LRMDA: variants seen among roughly 807,000 people sequenced by gnomAD.
LRMDA encodes the protein leucine rich melanocyte differentiation associated, also known as leucine-rich melanocyte differentiation-associated protein.
Under a neutral mutation model 29.8 loss-of-function variants are expected in LRMDA, and 18 were observed. The ratio of observed to expected loss-of-function variants is 0.60; its 90% CI spans 0.42 to 0.90. LRMDA has a LOEUF of 0.90. Ranked by LOEUF, LRMDA falls within the 40% of genes least tolerant of loss-of-function variation. The pLI is 0.00. For missense variants in LRMDA, 273 were observed against 273.9 expected (o/e 1.00, Z 0.02); for synonymous variants, 125 against 109.4 (o/e 1.14, Z -0.89).
At chr10:76,276,053 C>CTATCTATCTATCTATCTATCTA (rs150054728) in intron 5 of LRMDA, among the ~76,000 whole-genome samples, 1 of 139,936 alleles carries the variant, frequency 7.1e-6, no homozygotes, top group African/African-American at 2.8e-5. Context: ...ATCTATCTAT[C>CTATCTATCTATCTATCTATCTA]TCTTTCTTTC....
intron 2 of LRMDA, among the ~76,000 whole-genome samples, chr10:75,761,904 G>C (rs1843102294): frequency 6.6e-6 from 1 of 150,500 alleles, no homozygotes; most frequent in Non-Finnish European, 1.5e-5. Context: ...AGGCTCAAGT[G>C]ATCCCCCCAC....
chr10:75,823,381 G>T (rs1844194538), intron 2 of LRMDA, among the ~76,000 whole-genome samples: 1 of 152,036 alleles, frequency 6.6e-6, no homozygotes, highest in Admixed American at 6.6e-5. Flanking sequence ...AATCATCAGA[G>T]AAATGCAAAT....
rs186362866 is a variant in LRMDA, at chr10:75,682,828, A to G, written c.131+244334A>G. ...TCAGCGCAGCATCAATCCCCCTGAG[A>G]CTGGCCTGTTAAAAGTGGACACATG... On this transcript the variant is annotated intron_variant, in intron 2 of 6. Coordinates refer to ENST00000611255, the MANE Select transcript of LRMDA (RefSeq NM_001305581.2). Among the ~76,000 whole-genome samples, 23 of 152,294 alleles carry G rather than the reference A, an allele frequency of 1.5e-4. No individual in the cohort carries two copies. In the East Asian group the frequency reaches 4.4e-3, roughly 29 times the overall value.
At chr10:75,794,911 CAGA>C (rs1489899632) in intron 2 of LRMDA, among the ~76,000 whole-genome samples, 2 of 151,156 alleles carry the variant, frequency 1.3e-5, no homozygotes, top group African/African-American at 2.4e-5. Context: ...TTTTGATAAG[CAGA>C]AGGTTTTATT....
At chr10:75,943,277 G>A (rs1846425712) in intron 2 of LRMDA, among the ~76,000 whole-genome samples, 1 of 151,932 alleles carries the variant, frequency 6.6e-6, no homozygotes, top group Admixed American at 6.6e-5. Context: ...ATCCCACCAG[G>A]AATCTCCTAT....
rs575484076 is a variant in LRMDA, at chr10:76,352,715, CTATTAT to C, written c.601+28240_601+28245del. Among the ~76,000 whole-genome samples, 12 of 152,078 alleles carry C rather than the reference CTATTAT, an allele frequency of 7.9e-5. No homozygotes were observed. The East Asian group carries it at 2.3e-3, about 29-fold the overall frequency. ...ATACATATTGTTGCTGCTGCTGTTT[CTATTAT>C]TATTATTATCAATAGTGTTGTTATT... On this transcript the variant is annotated intron_variant, in intron 6 of 6. Transcript: ENST00000611255.
At chr10:76,344,106 G>A (rs1218697796) in intron 6 of LRMDA, among the ~76,000 whole-genome samples, 1 of 152,074 alleles carries the variant, frequency 6.6e-6, no homozygotes, top group South Asian at 2.1e-4. Context: ...ATAGATGTGA[G>A]CCACTGCACC....
intron 2 of LRMDA, among the ~76,000 whole-genome samples, chr10:75,638,798 T>A (rs1841417843): frequency 6.6e-6 from 1 of 152,246 alleles, no homozygotes; most frequent in Non-Finnish European, 1.5e-5. Flanking sequence ...GAGTAATCTG[T>A]GATTTAAATC....
chr10:75,788,787 A>G (rs1046053373), intron 2 of LRMDA, among the ~76,000 whole-genome samples: 5 of 152,262 alleles, frequency 3.3e-5, no homozygotes, highest in African/African-American at 9.6e-5. Context: ...CTAAAGAAGA[A>G]GGGAAAGTGA....
chr10:76,154,789 G>A (rs547050806), intron 5 of LRMDA, among the ~76,000 whole-genome samples: 59 of 152,258 alleles, frequency 3.9e-4, no homozygotes, highest in Admixed American at 2.0e-3. Flanking sequence ...TTAGCAAGGC[G>A]GGACTTGTGC....
At chr10:76,119,391 C>G (rs1012684590) in intron 5 of LRMDA, among the ~76,000 whole-genome samples, 1 of 151,728 alleles carries the variant, frequency 6.6e-6, no homozygotes, top group Admixed American at 6.6e-5. Context: ...GAAGAGGGAA[C>G]CTGGAAAATG....
intron 2 of LRMDA, among the ~76,000 whole-genome samples, chr10:75,547,501 A>G (rs1164107283): frequency 1.3e-5 from 2 of 152,166 alleles, no homozygotes; most frequent in Non-Finnish European, 2.9e-5. Flanking sequence ...TGGTGCCCAC[A>G]CAATGGCCAA....
chr10:75,919,718 G>T (rs1005995035), intron 2 of LRMDA, among the ~76,000 whole-genome samples: 1 of 152,138 alleles, frequency 6.6e-6, no homozygotes, highest in Non-Finnish European at 1.5e-5. Flanking sequence ...CTAAGGTTAA[G>T]AGAATTGAAA....
At chr10:76,186,014 T>G (rs1262535073) in intron 5 of LRMDA, among the ~76,000 whole-genome samples, 4 of 152,138 alleles carry the variant, frequency 2.6e-5, no homozygotes, top group Non-Finnish European at 5.9e-5. Flanking sequence ...TAAAAATAAC[T>G]CCAGATAATG....
Position 76,288,832 on chromosome 10 carries a change from C to T in LRMDA, c.517-35569C>T, listed in dbSNP as rs180818790. Among the ~76,000 whole-genome samples, 65 of 152,200 alleles carry T rather than the reference C, an allele frequency of 4.3e-4. 1 individual carries two copies. The East Asian group carries it at 0.011, about 26-fold the overall frequency. On this transcript the variant is annotated intron_variant, in intron 5 of 6. Coordinates refer to ENST00000611255, the MANE Select transcript of LRMDA (RefSeq NM_001305581.2). ...GGAAAATTGCTTGGGATGTACAAAG[C>T]CAGAGCCAATCAGTCAATCAGAAAA...
chr10:76,166,263 A>G (rs1850738370), intron 5 of LRMDA, among the ~76,000 whole-genome samples: 1 of 152,176 alleles, frequency 6.6e-6, no homozygotes, highest in Non-Finnish European at 1.5e-5. Flanking sequence ...CATTTTCCCA[A>G]ACCTGCTTGG....
intron 2 of LRMDA, among the ~76,000 whole-genome samples, chr10:75,547,525 A>C (rs1320079775): frequency 6.6e-6 from 1 of 152,212 alleles, no homozygotes; most frequent in Non-Finnish European, 1.5e-5. Context: ...CACTGTGGCC[A>C]CAATAAGTGC....
At chr10:75,949,507 T>C (rs1846536302) in intron 2 of LRMDA, among the ~76,000 whole-genome samples, 1 of 152,154 alleles carries the variant, frequency 6.6e-6, no homozygotes, top group South Asian at 2.1e-4. Flanking sequence ...CACGTGGTTT[T>C]CCTAGGCACA....
chr10:75,484,766 C>T (rs1490655697), intron 2 of LRMDA, among the ~76,000 whole-genome samples: 2 of 152,154 alleles, frequency 1.3e-5, no homozygotes, highest in African/African-American at 2.4e-5. Flanking sequence ...GTGTGAGACA[C>T]AGCAAGAAGG....
Sources: gnomAD v4.1 joint callset for allele counts (sites outside exome capture counted in the v4.1 genomes callset) on GRCh38, gnomAD v4.1.1 for gene constraint, MANE v1.5 for transcripts, NCBI Gene and HGNC (gene_info 2026-07-23, HGNC 2026-07-21) for gene names.